LRRC4B: variants seen among roughly 807,000 people sequenced by gnomAD.
LRRC4B encodes the protein leucine rich repeat containing 4B.
Under a neutral mutation model 7.3 loss-of-function variants are expected in LRRC4B, and 1 was observed. That is an observed-to-expected ratio of 0.14 (90% CI 0.05 to 0.65). LRRC4B has a LOEUF of 0.65. LRRC4B is among the 30% of genes least tolerant of loss of function. The pLI is 0.84. For missense variants in LRRC4B, 730 were observed against 1,041.6 expected (o/e 0.70, Z 4.12); for synonymous variants, 500 against 499.2 (o/e 1.00, Z -0.02).
At chr19:50,530,928 T>TG (rs35771555) in intron 2 of LRRC4B, among the ~76,000 whole-genome samples, 12,128 of 111,014 alleles carry the variant, frequency 0.11, 647 homozygotes, top group Non-Finnish European at 0.12. Flanking sequence ...AGTAGAAACC[T>TG]GGGGGGGGGG....
chr19:50,526,204 A>G (rs1403743756), intron 2 of LRRC4B, among the ~76,000 whole-genome samples: 1 of 152,056 alleles, frequency 6.6e-6, no homozygotes, highest in African/African-American at 2.4e-5. Flanking sequence ...GCCCTGGAGC[A>G]GCTCATCCGC....
chr19:50,519,013 G>A lies in LRRC4B; in HGVS notation c.700C>T (p.Leu234=). ...TCCAGCCGGTTGCCCGACAGCTCCA[G>A]CTCCTCCAGGCGCACCAGGGCCGTC... The part of the protein sequence containing the change: ...NLTALVRLEE[L]ELSGNRLDLI... The change falls in exon 3 of 3, where the codon CTG becomes TTG. Residue 234 remains leucine (L), a synonymous_variant. Coordinates refer to ENST00000652263, the MANE Select transcript of LRRC4B (RefSeq NM_001080457.2). This position sits in a 1 kb window ranked among gnomAD's most constrained non-coding sequence, Gnocchi z 8.1. 6.2e-7 allele frequency: 1 copy of A among 1,612,036 alleles called. No individual in the cohort carries two copies.
intron 1 of LRRC4B, among the ~76,000 whole-genome samples, chr19:50,551,318 C>T (rs1441960932): frequency 1.3e-5 from 2 of 150,784 alleles, no homozygotes; most frequent in Admixed American, 6.6e-5. Flanking sequence ...CTGGGGGGGG[C>T]GCAGGGGCTT....
Position 50,517,039 on chromosome 19 carries a change from C to A in LRRC4B, c.*532G>T, listed in dbSNP as rs1402206674. ...GGCTGGGGCGGGTGGAGGCTCCCCC[C>A]CGCGCCGACGACAGGGACCGCCGGC... On this transcript the variant is annotated 3_prime_UTR_variant, in exon 3 of 3. Transcript: ENST00000652263. This position sits in a 1 kb window ranked among gnomAD's most constrained non-coding sequence, Gnocchi z 6.6. The A allele has an allele frequency of 1.3e-5, 2 of 152,070 alleles. No homozygotes were observed. Among genetic ancestry groups the A allele is most frequent in the Non-Finnish European group, 1.5e-5 (1 of 67,996 alleles). The allele number at this position is 152,070 out of a possible 1,614,324, so 9.4% of individuals were successfully genotyped here.
rs1980349738 is a variant in LRRC4B, at chr19:50,517,788, C to T, written c.1925G>A (p.Gly642Asp). ...CAGGTGGCTGTCCCCGCCCACACCA[C>T]CCCCACTGGCCACGGCGGCCGCGGC... ...VAAAAAVASG[G>D]GVGGDSHLAL... Residue 642 changes from glycine to aspartate, a missense_variant, in exon 3 of 3, where the codon GGT becomes GAT. Physicochemically the swap from Gly to Asp is moderately conservative, Grantham distance 94. Transcript: ENST00000652263. This position sits in a 1 kb window ranked among gnomAD's most constrained non-coding sequence, Gnocchi z 6.6. 2.6e-6 allele frequency: 4 copies of T among 1,530,392 alleles called. No homozygotes were observed. Among genetic ancestry groups the T allele is most frequent in the Non-Finnish European group, 3.5e-6 (4 of 1,145,048 alleles). 94.8% of individuals were successfully genotyped at this position (1,530,392 alleles called of 1,614,324 possible). A position where few individuals can be genotyped will look rare whatever the true frequency, so the allele number is the denominator to read the frequency against.
At chr19:50,562,224 A>G (rs1982490756) in intron 1 of LRRC4B, among the ~76,000 whole-genome samples, 1 of 151,522 alleles carries the variant, frequency 6.6e-6, no homozygotes, top group South Asian at 2.1e-4. Flanking sequence ...AGTCTCATGG[A>G]GGGAGGCGAC....
At chr19:50,558,878 T>C (rs144337821) in intron 1 of LRRC4B, among the ~76,000 whole-genome samples, 31 of 152,310 alleles carry the variant, frequency 2.0e-4, no homozygotes, top group African/African-American at 7.5e-4. Context: ...GCCAGGGAGA[T>C]CACAGCTGGA....
At chr19:50,552,739 T>G (rs557614557) in intron 1 of LRRC4B, among the ~76,000 whole-genome samples, 3 of 151,412 alleles carry the variant, frequency 2.0e-5, no homozygotes, top group African/African-American at 7.3e-5. Context: ...CGTCCTTCCA[T>G]CCCTCCGCCC....
intron 2 of LRRC4B, among the ~76,000 whole-genome samples, chr19:50,545,408 C>CAAAAAAA (rs58857784): frequency 2.5e-5 from 2 of 78,748 alleles, no homozygotes; most frequent in Non-Finnish European, 2.4e-5. Flanking sequence ...AACTCCATCT[C>CAAAAAAA]AAAAAAAAAA....
chr19:50,542,157 G>A (rs1379026439), intron 2 of LRRC4B, among the ~76,000 whole-genome samples: 1 of 152,236 alleles, frequency 6.6e-6, no homozygotes, highest in East Asian at 1.9e-4. Flanking sequence ...GAGAGGGTAA[G>A]GCGGGGATAT....
intron 2 of LRRC4B, among the ~76,000 whole-genome samples, chr19:50,542,975 C>T (rs1243815369): frequency 1.3e-5 from 2 of 152,138 alleles, no homozygotes; most frequent in African/African-American, 4.8e-5. Flanking sequence ...CACACCGCAC[C>T]CAGGCCAGGG....
rs1422803221 is a variant in LRRC4B at position 50,568,344 on chromosome 19, C to T, written c.-436G>A. 3.6e-5 allele frequency among the ~76,000 whole-genome samples: 5 copies of T among 138,684 alleles called. No homozygotes were observed. The highest frequency in any genetic ancestry group is 8.0e-5 in the African/African-American group (3 of 37,360). The allele number at this position is 138,684 out of a possible 152,430, so 91.0% of individuals were successfully genotyped here. On this transcript the variant is annotated 5_prime_UTR_variant, in exon 1 of 3. Transcript: ENST00000652263. ...CCGCTCTCCCCCCACCCCACCCCCCCCCAGGCCCCGGCCCCGGCCCCGGCC... is the reference window on the plus strand; with the variant it reads ...CCGCTCTCCCCCCACCCCACCCCCCTCCAGGCCCCGGCCCCGGCCCCGGCC...
At chr19:50,546,172 TA>T (rs1338195416) in intron 2 of LRRC4B, among the ~76,000 whole-genome samples, 1 of 151,918 alleles carries the variant, frequency 6.6e-6, no homozygotes, top group African/African-American at 2.4e-5. Context: ...TCGTCTCTAC[TA>T]AAAATATAAA....
intron 2 of LRRC4B, among the ~76,000 whole-genome samples, chr19:50,543,462 C>T (rs919209702): frequency 7.9e-5 from 12 of 151,870 alleles, no homozygotes; most frequent in South Asian, 2.1e-4. Flanking sequence ...CCAGAAACTC[C>T]GCTTCTAGGA....
At chr19:50,549,768 CT>C (rs1981975032) in intron 1 of LRRC4B, among the ~76,000 whole-genome samples, 1 of 152,332 alleles carries the variant, frequency 6.6e-6, no homozygotes, top group Admixed American at 6.5e-5. Flanking sequence ...GCTGCACCCC[CT>C]CCTTTGCCCC....
At chr19:50,549,625 C>T (rs1043857906) in intron 1 of LRRC4B, among the ~76,000 whole-genome samples, 3 of 152,192 alleles carry the variant, frequency 2.0e-5, no homozygotes, top group African/African-American at 4.8e-5. Context: ...GACAAGGCAA[C>T]CGTGGAGGTG....
In LRRC4B at chr19:50,559,365, C is replaced by A. The variant is rs549241087; in HGVS notation, c.-36+8579G>T. On this transcript the variant is annotated intron_variant, in intron 1 of 2. Coordinates refer to ENST00000652263, the MANE Select transcript of LRRC4B (RefSeq NM_001080457.2). ...AGGGGAATTACTTGAACCGAGGAGG[C>A]AGAGGTTGCAGTGAGCTGAGATGGC... is the stretch of plus-strand genomic sequence containing the variant. Among the ~76,000 whole-genome samples the A allele has an allele frequency of 6.6e-5, 10 of 152,242 alleles. No homozygotes were observed. The East Asian group carries it at 1.7e-3, about 27-fold the overall frequency.
Position 50,567,947 on chromosome 19 carries a change from G to A in LRRC4B, c.-39C>T, listed in dbSNP as rs934303282. The A allele has an allele frequency of 7.2e-6, 1 of 138,404 alleles. No individual in the cohort carries two copies. Among genetic ancestry groups the A allele is most frequent in the Non-Finnish European group, 1.5e-5 (1 of 64,644 alleles). 8.6% of individuals were successfully genotyped at this position (138,404 alleles called of 1,614,324 possible). A position where few individuals can be genotyped will look rare whatever the true frequency, so the allele number is the denominator to read the frequency against. On this transcript the variant is annotated 5_prime_UTR_variant, in exon 1 of 3. Transcript: ENST00000652263. ...GTGCCCCTTGGCGGCTACTCACAGC[G>A]AGGAGAGGGGTTCCTTCCGGGGGGC...
intron 2 of LRRC4B, among the ~76,000 whole-genome samples, chr19:50,522,957 T>C (rs1980646551): frequency 6.6e-6 from 1 of 152,222 alleles, no homozygotes; most frequent in South Asian, 2.1e-4. Flanking sequence ...GGATGATGAA[T>C]TAGGCCCAGG....
Sources: allele counts gnomAD v4.1 joint callset (sites outside exome capture counted in the v4.1 genomes callset), GRCh38; gene constraint gnomAD v4.1.1; non-coding constraint Gnocchi (gnomAD v3.1); transcripts MANE v1.5; gene names NCBI Gene and HGNC (gene_info 2026-07-23, HGNC 2026-07-21).